Variants in NWD2 observed in about 807,000 individuals in gnomAD.
The protein encoded by NWD2 is NACHT and WD repeat domain containing 2.
A neutral mutation model predicts 132.7 loss-of-function variants in NWD2; 37 were observed. The observed-to-expected ratio is 0.28, with a 90% CI of 0.21 to 0.37. The LOEUF is 0.37. NWD2 is among the 10% of genes least tolerant of loss of function. The probability of loss-of-function intolerance (pLI) is 1.00; values close to 1 mark genes in which losing one functional copy is unlikely to be tolerated. For missense variants in NWD2, 1,592 were observed against 2,122.4 expected, an observed-to-expected ratio of 0.75 and a Z score of 4.91; for synonymous variants, 705 against 803.0, an observed-to-expected ratio of 0.88 and a Z score of 2.06.
chr4:37,423,386 G>A (rs943705592), intron 3 of NWD2, among the ~76,000 whole-genome samples: 2 of 152,090 alleles, frequency 1.3e-5, no homozygotes, highest in Non-Finnish European at 2.9e-5. Context: ...ATATATAGAT[G>A]ACTTATTATA....
At chr4:37,262,717 C>T (rs988163363) in intron 1 of NWD2, among the ~76,000 whole-genome samples, 3 of 152,048 alleles carry the variant, frequency 2.0e-5, no homozygotes, top group South Asian at 2.1e-4. Context: ...TAGAGGAGCA[C>T]GTGGCAAAGT....
intron 1 of NWD2, among the ~76,000 whole-genome samples, chr4:37,295,096 G>A (rs1477524782): frequency 6.6e-6 from 1 of 152,144 alleles, no homozygotes. Flanking sequence ...ACAGCTACTT[G>A]TGGAGATAAT....
At chr4:37,348,675 T>TATATATATATATACACACACAC (rs1308407988) in intron 2 of NWD2, among the ~76,000 whole-genome samples, 1 of 22,574 alleles carries the variant, frequency 4.4e-5, no homozygotes, top group African/African-American at 1.8e-4. Flanking sequence ...TATATATATA[T>TATATATATATATACACACACAC]ACACACACAC....
At chr4:37,287,791 G>C (rs186307899) in intron 1 of NWD2, among the ~76,000 whole-genome samples, 1 of 152,318 alleles carries the variant, frequency 6.6e-6, no homozygotes, top group East Asian at 1.9e-4. Context: ...CCAAAGGACA[G>C]TGAAAGTGCT....
chr4:37,397,437 T>A (rs1263056099), intron 3 of NWD2, among the ~76,000 whole-genome samples: 1 of 152,158 alleles, frequency 6.6e-6, no homozygotes, highest in Non-Finnish European at 1.5e-5. Flanking sequence ...ATGGGCCTCA[T>A]CCAATCAGTT....
chr4:37,277,838 T>C lies in NWD2; in HGVS notation c.151+32620T>C, dbSNP rs116838950. On this transcript the variant is annotated intron_variant, in intron 1 of 6. Coordinates refer to ENST00000309447, the MANE Select transcript of NWD2 (RefSeq NM_001144990.2). ...AACATATTGTAATAGTTCTGTATTTTTATATTTTTCCCTGAAGATTATTGT... is the reference window on the plus strand; with the variant it reads ...AACATATTGTAATAGTTCTGTATTTCTATATTTTTCCCTGAAGATTATTGT... Among the ~76,000 whole-genome samples, 1,446 of 152,278 alleles carry C rather than the reference T, an allele frequency of 9.5e-3. 9 individuals are homozygous for C. Among genetic ancestry groups the C allele is most frequent in the Non-Finnish European group, 0.014 (955 of 68,014 alleles).
intron 3 of NWD2, among the ~76,000 whole-genome samples, chr4:37,394,482 A>G (rs1577689102): frequency 6.6e-6 from 1 of 152,366 alleles, no homozygotes; most frequent in South Asian, 2.1e-4. Context: ...ATAGGCATTT[A>G]AGTACTTACT....
intron 1 of NWD2, among the ~76,000 whole-genome samples, chr4:37,305,792 G>A (rs1309047894): frequency 2.0e-5 from 3 of 151,950 alleles, no homozygotes; most frequent in African/African-American, 7.2e-5. Context: ...TTTCTTTTTT[G>A]GCTGTCTTTG....
At chr4:37,364,487 A>G (rs1720051445) in intron 3 of NWD2, among the ~76,000 whole-genome samples, 1 of 152,158 alleles carries the variant, frequency 6.6e-6, no homozygotes, top group Non-Finnish European at 1.5e-5. Context: ...TCTTGCCTGC[A>G]GTAGTATGCC....
intron 2 of NWD2, among the ~76,000 whole-genome samples, chr4:37,329,294 A>G (rs1406881729): frequency 6.6e-6 from 1 of 152,172 alleles, no homozygotes; most frequent in Non-Finnish European, 1.5e-5. Flanking sequence ...AGGAGCTTCT[A>G]ACATTGTTAG....
At chr4:37,401,810 T>G (rs1720901498) in intron 3 of NWD2, among the ~76,000 whole-genome samples, 1 of 152,220 alleles carries the variant, frequency 6.6e-6, no homozygotes, top group Admixed American at 6.5e-5. Flanking sequence ...CTGCCCTTGT[T>G]ATTTTCCCAT....
At chr4:37,286,308 A>G (rs949695117) in intron 1 of NWD2, among the ~76,000 whole-genome samples, 5 of 152,210 alleles carry the variant, frequency 3.3e-5, no homozygotes, top group Admixed American at 3.3e-4. Flanking sequence ...GAGTTGAAAT[A>G]TCATCCAAAT....
chr4:37,400,672 G>A (rs952392617), intron 3 of NWD2, among the ~76,000 whole-genome samples: 2 of 152,160 alleles, frequency 1.3e-5, no homozygotes, highest in Admixed American at 6.5e-5. Context: ...TGCTTTTACT[G>A]TGACCATTAA....
chr4:37,378,032 TA>T (rs1720379231), intron 3 of NWD2, among the ~76,000 whole-genome samples: 1 of 152,164 alleles, frequency 6.6e-6, no homozygotes, highest in Non-Finnish European at 1.5e-5. Context: ...ATTTTTCAAT[TA>T]AAAATTAATC....
intron 3 of NWD2, among the ~76,000 whole-genome samples, chr4:37,380,843 AC>A (rs1337867643): frequency 6.6e-6 from 1 of 152,184 alleles, no homozygotes; most frequent in African/African-American, 2.4e-5. Flanking sequence ...ATTGATTCTG[AC>A]AAACTATTTA....
intron 2 of NWD2, among the ~76,000 whole-genome samples, chr4:37,338,377 A>G (rs1294588077): frequency 6.6e-6 from 1 of 152,240 alleles, no homozygotes; most frequent in Non-Finnish European, 1.5e-5. Flanking sequence ...TAGGGAAAAG[A>G]AGCAAAGCAA....
chr4:37,418,665 T>G (rs2109321914), intron 3 of NWD2, among the ~76,000 whole-genome samples: 1 of 152,046 alleles, frequency 6.6e-6, no homozygotes, highest in East Asian at 1.9e-4. Flanking sequence ...TTTATAACCC[T>G]TTGGGTTATA....
chr4:37,406,476 A>C (rs1721045327), intron 3 of NWD2, among the ~76,000 whole-genome samples: 1 of 152,250 alleles, frequency 6.6e-6, no homozygotes, highest in African/African-American at 2.4e-5. Flanking sequence ...CTACTGTACT[A>C]TAAAGACAGG....
intron 2 of NWD2, among the ~76,000 whole-genome samples, chr4:37,343,693 G>T (rs2109295847): frequency 6.6e-6 from 1 of 152,272 alleles, no homozygotes; most frequent in South Asian, 2.1e-4. Context: ...AATTGGGAAA[G>T]AAAATATTTT....
Sources: gnomAD v4.1 joint callset for allele counts (sites outside exome capture counted in the v4.1 genomes callset) on GRCh38, gnomAD v4.1.1 for gene constraint, MANE v1.5 for transcripts, NCBI Gene and HGNC (gene_info 2026-07-23, HGNC 2026-07-21) for gene names.